Variants in VPS53 observed in about 807,000 individuals in gnomAD.
The protein encoded by VPS53 is vacuolar protein sorting-associated protein 53 homolog.
VPS53 carries 70 observed loss-of-function variants against 107.0 expected under a neutral mutation model. The ratio of observed to expected loss-of-function variants is 0.65; its 90% CI spans 0.54 to 0.80. The LOEUF is 0.80. Among genes scored for constraint, VPS53 ranks in the 30% least tolerant of loss-of-function variants. VPS53 has a pLI of 0.00. For missense variants in VPS53, 917 were observed against 1,049.4 expected, an observed-to-expected ratio of 0.87 and a Z score of 1.74; for synonymous variants, 409 against 393.3, an observed-to-expected ratio of 1.04 and a Z score of -0.47.
intron 4 of VPS53, among the ~76,000 whole-genome samples, chr17:668,080 T>C (rs1238698226): frequency 6.6e-6 from 1 of 152,180 alleles, no homozygotes; most frequent in African/African-American, 2.4e-5. Context: ...GTTTAGTGTA[T>C]GAGTATTAGC....
chr17:558,074 G>T (rs2151847187), intron 15 of VPS53, among the ~76,000 whole-genome samples: 2 of 152,164 alleles, frequency 1.3e-5, no homozygotes, highest in East Asian at 3.9e-4. Flanking sequence ...TACCCAGGCT[G>T]GTCTTGGACT....
chr17:676,054 G>A (rs1168767852), intron 4 of VPS53: 1 of 149,924 alleles, frequency 6.7e-6, no homozygotes, highest in Non-Finnish European at 1.5e-5. Context: ...ACTACAAAAC[G>A]CCAAGCCAAA....
chr17:555,472 C>T (rs1235148011), intron 15 of VPS53, among the ~76,000 whole-genome samples: 1 of 152,138 alleles, frequency 6.6e-6, no homozygotes, highest in Admixed American at 6.5e-5. Flanking sequence ...GCTGGGATTA[C>T]AGACGTGAGC....
chr17:625,771 C>T (rs1251549608), intron 10 of VPS53, among the ~76,000 whole-genome samples: 6 of 152,076 alleles, frequency 3.9e-5, no homozygotes, highest in Non-Finnish European at 8.8e-5. Flanking sequence ...TTTTGCCCCA[C>T]AATGTGTTTG....
At chr17:584,566 C>T (rs1365369941) in intron 13 of VPS53, among the ~76,000 whole-genome samples, 1 of 152,206 alleles carries the variant, frequency 6.6e-6, no homozygotes, top group Non-Finnish European at 1.5e-5. Flanking sequence ...AAGTCTCTGT[C>T]ACCAAGCTGG....
At chr17:687,102 T>A (rs1972613095) in intron 4 of VPS53, among the ~76,000 whole-genome samples, 1 of 152,088 alleles carries the variant, frequency 6.6e-6, no homozygotes, top group Admixed American at 6.5e-5. Flanking sequence ...CTGGCCAACA[T>A]GGTGAAACCC....
chr17:681,357 G>A (rs999204047), intron 4 of VPS53, among the ~76,000 whole-genome samples: 5 of 152,106 alleles, frequency 3.3e-5, no homozygotes, highest in Non-Finnish European at 5.9e-5. Flanking sequence ...GGGTGGTCTC[G>A]AACTCCTGAC....
At chr17:708,989 C>A (rs1973527128) in intron 2 of VPS53, among the ~76,000 whole-genome samples, 1 of 152,192 alleles carries the variant, frequency 6.6e-6, no homozygotes, top group South Asian at 2.1e-4. Context: ...CCCTCATCAT[C>A]CTGGAAGAGA....
intron 13 of VPS53, among the ~76,000 whole-genome samples, chr17:580,013 G>T (rs1184961051): frequency 1.2e-4 from 13 of 108,800 alleles, no homozygotes; most frequent in East Asian, 5.8e-4. Context: ...ACCTAATGCG[G>T]TCCCAGAGAA....
intron 17 of VPS53, among the ~76,000 whole-genome samples, chr17:540,197 T>C (rs1332619638): frequency 7.0e-6 from 1 of 143,052 alleles, no homozygotes. Flanking sequence ...TTATTTTTCA[T>C]TTTTTTTTGA....
At chr17:527,887 C>T (rs1909245741) in intron 19 of VPS53, among the ~76,000 whole-genome samples, 1 of 152,214 alleles carries the variant, frequency 6.6e-6, no homozygotes, top group Admixed American at 6.5e-5. Flanking sequence ...GCTAGGATTA[C>T]AGGCACAAGC....
intron 15 of VPS53, among the ~76,000 whole-genome samples, chr17:558,368 TCACGTCTGTAATCC>T (rs1029561340): frequency 6.6e-6 from 1 of 152,130 alleles, no homozygotes; most frequent in African/African-American, 2.4e-5. Flanking sequence ...TCACAGTGGC[TCACGTCTGTAATCC>T]CAGCACTTTG....
intron 4 of VPS53, among the ~76,000 whole-genome samples, chr17:663,222 A>G (rs1971543921): frequency 2.0e-5 from 3 of 152,202 alleles, no homozygotes; most frequent in South Asian, 4.1e-4. Flanking sequence ...GCAAAAAGCT[A>G]ATGGTGAGCC....
chr17:620,846 G>A (rs568737019), intron 11 of VPS53, among the ~76,000 whole-genome samples: 31 of 152,142 alleles, frequency 2.0e-4, no homozygotes, highest in Non-Finnish European at 3.5e-4. Context: ...GACCTTAAGT[G>A]ATCATCCCAC....
intron 18 of VPS53, chr17:536,500 T>G (rs1393434608): frequency 6.4e-6 from 1 of 155,768 alleles, no homozygotes; most frequent in African/African-American, 2.4e-5. Flanking sequence ...AAAACAACAG[T>G]AGGCCCCATT....
chr17:632,719 T>C (rs1347998761), intron 7 of VPS53: 4 of 456,380 alleles, frequency 8.8e-6, no homozygotes, highest in South Asian at 1.5e-5. Context: ...TCCATGAGTT[T>C]ACTTTGAAAA....
Position 570,372 on chromosome 17 carries a change from CAAAAAAAAAAA to C in VPS53, c.1314-7638_1314-7628del. Among the ~76,000 whole-genome samples the C allele has an allele frequency of 2.2e-5, 2 of 90,454 alleles. 1 individual carries two copies. Among genetic ancestry groups the C allele is most frequent in the East Asian group, 7.2e-4 (2 of 2,788 alleles). The allele number at this position is 90,454 out of a possible 152,430, so 59.3% of individuals were successfully genotyped here. A position where few individuals can be genotyped will look rare whatever the true frequency, so the allele number is the denominator to read the frequency against. Reference sequence around the variant, plus strand: ...GGAATAGAGTGAAACGACTCTGTCTCAAAAAAAAAAAAAAAAAAAAAAAGAACATCACATCA... The same window carrying C: ...GGAATAGAGTGAAACGACTCTGTCTCAAAAAAAAAAAAGAACATCACATCA... On this transcript the variant is annotated intron_variant, in intron 13 of 21. Coordinates refer to ENST00000437048, the MANE Select transcript of VPS53 (RefSeq NM_001128159.3).
chr17:566,772 C>T (rs1210950119), intron 13 of VPS53, among the ~76,000 whole-genome samples: 1 of 151,622 alleles, frequency 6.6e-6, no homozygotes, highest in Non-Finnish European at 1.5e-5. Context: ...GAGACGGAGT[C>T]TCACTCAGTT....
intron 4 of VPS53, among the ~76,000 whole-genome samples, chr17:695,980 G>A (rs1972946470): frequency 6.6e-6 from 1 of 152,202 alleles, no homozygotes; most frequent in Non-Finnish European, 1.5e-5. Flanking sequence ...TCCCTCTGTA[G>A]GACCCCTCTG....
Sources: allele counts gnomAD v4.1 joint callset (sites outside exome capture counted in the v4.1 genomes callset), GRCh38; gene constraint gnomAD v4.1.1; transcripts MANE v1.5; gene names NCBI Gene and HGNC (gene_info 2026-07-23, HGNC 2026-07-21).